CADM1: variants seen among roughly 807,000 people sequenced by gnomAD.
The protein encoded by CADM1 is TSLC-1.
A neutral mutation model predicts 53.1 loss-of-function variants in CADM1; 15 were observed. The ratio of observed to expected loss-of-function variants is 0.28; its 90% CI spans 0.19 to 0.44. CADM1 has a LOEUF of 0.44. Ranked by LOEUF, CADM1 falls within the 20% of genes least tolerant of loss-of-function variation. The pLI is 1.00. For missense variants in CADM1, 434 were observed against 611.3 expected, an observed-to-expected ratio of 0.71 and a Z score of 3.06; for synonymous variants, 281 against 243.0, an observed-to-expected ratio of 1.16 and a Z score of -1.45.
chr11:115,423,880 C>T (rs559850812), intron 1 of CADM1, among the ~76,000 whole-genome samples: 4 of 152,334 alleles, frequency 2.6e-5, no homozygotes, highest in East Asian at 1.9e-4. Flanking sequence ...GGTTTTGTCT[C>T]GCTCTACTCT....
At chr11:115,312,344 G>T (rs938644203) in intron 1 of CADM1, among the ~76,000 whole-genome samples, 1 of 152,132 alleles carries the variant, frequency 6.6e-6, no homozygotes, top group Admixed American at 6.6e-5. Flanking sequence ...CTAGAGAGGT[G>T]TGTTTTCTCT....
At chr11:115,302,536 GTGAAGTTTA>G (rs1944255050) in intron 1 of CADM1, among the ~76,000 whole-genome samples, 1 of 151,958 alleles carries the variant, frequency 6.6e-6, no homozygotes, top group Non-Finnish European at 1.5e-5. Context: ...TCTAGATTTT[GTGAAGTTTA>G]TAGTATGTGT....
intron 1 of CADM1, among the ~76,000 whole-genome samples, chr11:115,345,436 G>A (rs565182758): frequency 1.3e-5 from 2 of 152,156 alleles, no homozygotes; most frequent in Non-Finnish European, 2.9e-5. Context: ...ATTGGATGGG[G>A]TTGAAAGCTG....
intron 1 of CADM1, among the ~76,000 whole-genome samples, chr11:115,472,200 T>C (rs1189298137): frequency 2.0e-5 from 3 of 152,204 alleles, no homozygotes; most frequent in African/African-American, 7.2e-5. Flanking sequence ...GTTTTGTGTA[T>C]AAGTTACCAA....
chr11:115,264,207 G>T (rs1436417209), intron 1 of CADM1, among the ~76,000 whole-genome samples: 19 of 152,142 alleles, frequency 1.2e-4, no homozygotes, highest in Admixed American at 1.2e-3. Context: ...CACTCTCACA[G>T]AAGATCTAAA....
chr11:115,474,180 A>G (rs930779989), intron 1 of CADM1, among the ~76,000 whole-genome samples: 1 of 149,346 alleles, frequency 6.7e-6, no homozygotes, highest in Admixed American at 6.8e-5. Flanking sequence ...AGTCCCAGCT[A>G]CTCTGGAGGC....
chr11:115,485,200 T>A (rs912729317), intron 1 of CADM1, among the ~76,000 whole-genome samples: 1 of 152,160 alleles, frequency 6.6e-6, no homozygotes, highest in African/African-American at 2.4e-5. Flanking sequence ...TCCACAACTT[T>A]AACTTCCAGT....
In CADM1 at chr11:115,229,252, C is replaced by T; in HGVS notation, c.582G>A (p.Glu194=). 1 of 1,614,110 alleles carries T rather than the reference C, an allele frequency of 6.2e-7. No individual in the cohort carries two copies. ...TGGTCACAGTGTACATGTCTGACCA[C>T]TCTTCCACCTCCGATTTGCCTGGGG... ...TELKGKSEVE[E]WSDMYTVTSQ... is the part of the protein sequence containing the mutation. The change falls in exon 5 of 12, where the codon GAG becomes GAA. Residue 194 remains glutamate (E), a synonymous_variant. Transcript: ENST00000331581.
chr11:115,453,631 T>C (rs1948623288), intron 1 of CADM1, among the ~76,000 whole-genome samples: 2 of 152,108 alleles, frequency 1.3e-5, no homozygotes, highest in African/African-American at 4.8e-5. Flanking sequence ...CCAGAGTAGC[T>C]GGAACTACAG....
intron 1 of CADM1, among the ~76,000 whole-genome samples, chr11:115,264,817 T>C (rs981448492): frequency 6.6e-6 from 1 of 152,210 alleles, no homozygotes; most frequent in African/African-American, 2.4e-5. Context: ...AGCTATCATA[T>C]GACAATCATG....
At chr11:115,393,934 T>C (rs1194353855) in intron 1 of CADM1, among the ~76,000 whole-genome samples, 15 of 152,072 alleles carry the variant, frequency 9.9e-5, no homozygotes, top group Non-Finnish European at 2.2e-4. Flanking sequence ...AGGCTGAATT[T>C]ATTGAAGAAA....
chr11:115,229,418 T>C, intron 4 of CADM1, 147 bp from the exon 5 acceptor site: 2 of 745,768 alleles, frequency 2.7e-6, no homozygotes, highest in Non-Finnish European at 2.4e-6. Context: ...AACCTGTGGA[T>C]AGTTACCTGA....
At chr11:115,219,637 T>A (rs1264823130) in intron 5 of CADM1, among the ~76,000 whole-genome samples, 1 of 151,958 alleles carries the variant, frequency 6.6e-6, no homozygotes, top group Non-Finnish European at 1.5e-5. Flanking sequence ...GTCGGGAAGG[T>A]AGTCATTAAA....
intron 1 of CADM1, among the ~76,000 whole-genome samples, chr11:115,441,725 A>G (rs547786836): frequency 2.0e-5 from 3 of 152,300 alleles, no homozygotes; most frequent in South Asian, 4.1e-4. Context: ...GGACACCTCT[A>G]GCCCCTTCCG....
At chr11:115,279,705 A>G (rs1198870004) in intron 1 of CADM1, among the ~76,000 whole-genome samples, 1 of 152,220 alleles carries the variant, frequency 6.6e-6, no homozygotes, top group Non-Finnish European at 1.5e-5. Context: ...ATGATATCCA[A>G]AACAAAAGCT....
intron 1 of CADM1, among the ~76,000 whole-genome samples, chr11:115,396,327 T>C (rs1362479762): frequency 6.6e-6 from 1 of 152,070 alleles, no homozygotes; most frequent in Non-Finnish European, 1.5e-5. Context: ...GTGTATCAAT[T>C]TATGTGCTAC....
chr11:115,373,678 G>A (rs370168211), intron 1 of CADM1, among the ~76,000 whole-genome samples: 16 of 151,164 alleles, frequency 1.1e-4, no homozygotes, highest in Admixed American at 6.6e-5. Flanking sequence ...GAAAATGGGA[G>A]GTTCCATTTA....
intron 4 of CADM1, among the ~76,000 whole-genome samples, chr11:115,230,760 C>A (rs546289104): frequency 6.6e-6 from 1 of 152,194 alleles, no homozygotes; most frequent in Non-Finnish European, 1.5e-5. Flanking sequence ...AATTGGGCAA[C>A]TGAATCACAA....
intron 1 of CADM1, among the ~76,000 whole-genome samples, chr11:115,305,158 C>T (rs1462936749): frequency 6.6e-6 from 1 of 151,898 alleles, no homozygotes; most frequent in African/African-American, 2.4e-5. Context: ...TCACCCGGAG[C>T]CCTCAAATCA....
Sources: allele counts gnomAD v4.1 joint callset (sites outside exome capture counted in the v4.1 genomes callset), GRCh38; gene constraint gnomAD v4.1.1; transcripts MANE v1.5; gene names NCBI Gene and HGNC (gene_info 2026-07-23, HGNC 2026-07-21).